RNF220: variants seen among roughly 807,000 people sequenced by gnomAD.
The protein encoded by RNF220 is ring finger protein 220.
A neutral mutation model predicts 67.1 loss-of-function variants in RNF220; 7 were observed. That is an observed-to-expected ratio of 0.10 (90% CI 0.06 to 0.20). The LOEUF is 0.20. RNF220 is among the 10% of genes least tolerant of loss of function. The pLI, the probability that RNF220 is intolerant of heterozygous loss-of-function variation, is 1.00. For synonymous variants in RNF220, 270 were observed against 283.2 expected (o/e 0.95, Z 0.47); for missense variants, 565 against 740.3 (o/e 0.76, Z 2.75).
At chr1:44,602,355 A>G (rs538513294) in intron 2 of RNF220, among the ~76,000 whole-genome samples, 1 of 152,124 alleles carries the variant, frequency 6.6e-6, no homozygotes, top group African/African-American at 2.4e-5. Context: ...CCTGAGGAGC[A>G]TGGAGTTGGG....
In RNF220 at chr1:44,515,384, A is replaced by G. The variant is rs574517736; in HGVS notation, c.626-98781A>G. ...TAATGTAGGTGTAGTTTGTGTGGTG[A>G]TTATTGTGTTAGGTACAGTAATAGC... On this transcript the variant is annotated intron_variant, in intron 2 of 14. Transcript: ENST00000361799. Among the ~76,000 whole-genome samples the G allele has an allele frequency of 1.6e-4, 24 of 152,266 alleles. No homozygotes were observed. The South Asian group carries it at 3.9e-3, about 25-fold the overall frequency.
chr1:44,463,582 G>A (rs1186089566), intron 2 of RNF220, among the ~76,000 whole-genome samples: 1 of 151,122 alleles, frequency 6.6e-6, no homozygotes, highest in Non-Finnish European at 1.5e-5. Flanking sequence ...GCTAAGCTTC[G>A]GATGCCACAG....
intron 2 of RNF220, among the ~76,000 whole-genome samples, chr1:44,539,950 C>T (rs1186654521): frequency 1.3e-5 from 2 of 152,234 alleles, no homozygotes; most frequent in Non-Finnish European, 2.9e-5. Context: ...GGTATGAATA[C>T]TGTCTCTTAC....
intron 2 of RNF220, among the ~76,000 whole-genome samples, chr1:44,613,955 G>T (rs758494138): frequency 6.6e-6 from 1 of 152,204 alleles, no homozygotes; most frequent in East Asian, 1.9e-4. Context: ...TCTGAGAGGG[G>T]TGGCTGGCTG....
chr1:44,469,896 G>A (rs985134600), intron 2 of RNF220, among the ~76,000 whole-genome samples: 2 of 152,188 alleles, frequency 1.3e-5, no homozygotes, highest in African/African-American at 4.8e-5. Flanking sequence ...AGTATAGTAC[G>A]AGGTGAGGCT....
At chr1:44,590,703 G>T (rs79407044) in intron 2 of RNF220, among the ~76,000 whole-genome samples, 4 of 152,128 alleles carry the variant, frequency 2.6e-5, no homozygotes, top group East Asian at 1.9e-4. Context: ...AATAGGAAGC[G>T]GGGGGGCCAG....
intron 2 of RNF220, among the ~76,000 whole-genome samples, chr1:44,551,270 A>G (rs1173846569): frequency 6.6e-6 from 1 of 151,658 alleles, no homozygotes; most frequent in Non-Finnish European, 1.5e-5. Context: ...ACGGGCCACC[A>G]CGCCTGGCTA....
intron 2 of RNF220, among the ~76,000 whole-genome samples, chr1:44,425,499 G>A (rs1379646385): frequency 6.6e-6 from 1 of 152,122 alleles, no homozygotes; most frequent in African/African-American, 2.4e-5. Flanking sequence ...GGGCCACACA[G>A]GATCCACCAC....
chr1:44,644,524 G>T, intron 8 of RNF220, 174 bp from the exon 9 acceptor site: 1 of 589,204 alleles, frequency 1.7e-6, no homozygotes, highest in South Asian at 2.0e-5. Context: ...CAGAGTGAAG[G>T]GCCTGAAATG....
intron 12 of RNF220, among the ~76,000 whole-genome samples, chr1:44,646,094 G>A (rs1441971035): frequency 6.6e-6 from 1 of 152,168 alleles, no homozygotes; most frequent in Non-Finnish European, 1.5e-5. Flanking sequence ...CTCAGGAGAT[G>A]GCATTGTCCA....
chr1:44,634,361 A>G (rs1399295451), intron 6 of RNF220, among the ~76,000 whole-genome samples: 1 of 152,254 alleles, frequency 6.6e-6, no homozygotes, highest in Non-Finnish European at 1.5e-5. Flanking sequence ...AATGCAATCT[A>G]GCTTCAGCAA....
chr1:44,571,176 C>T (rs1381860739), intron 2 of RNF220, among the ~76,000 whole-genome samples: 1 of 152,178 alleles, frequency 6.6e-6, no homozygotes, highest in Non-Finnish European at 1.5e-5. Flanking sequence ...TCTTCCCAAC[C>T]TACAAGACCC....
intron 2 of RNF220, among the ~76,000 whole-genome samples, chr1:44,542,277 G>T (rs1661731799): frequency 6.6e-6 from 1 of 152,160 alleles, no homozygotes; most frequent in African/African-American, 2.4e-5. Flanking sequence ...AACCTCAGTG[G>T]GCAGGAGCTG....
intron 2 of RNF220, among the ~76,000 whole-genome samples, chr1:44,510,934 C>T (rs1658935597): frequency 6.6e-6 from 1 of 152,184 alleles, no homozygotes; most frequent in South Asian, 2.1e-4. Context: ...AGGGTTGTTG[C>T]TCCGAGGTCT....
intron 5 of RNF220, 146 bp downstream of exon 5, chr1:44,626,544 TAA>T (rs1419428185): frequency 4.6e-5 from 29 of 637,186 alleles, no homozygotes; most frequent in Non-Finnish European, 7.5e-5. Context: ...CCCGTGCCCC[TAA>T]GTGAACTCAG....
intron 2 of RNF220, among the ~76,000 whole-genome samples, chr1:44,486,350 C>T (rs776480740): frequency 3.0e-4 from 45 of 152,352 alleles, no homozygotes; most frequent in Non-Finnish European, 5.3e-4. Flanking sequence ...CAGAGAAAAT[C>T]ACGGGCAATA....
Position 44,514,307 on chromosome 1 carries a change from C to T in RNF220, c.626-99858C>T, listed in dbSNP as rs145401963. Among the ~76,000 whole-genome samples the T allele has an allele frequency of 3.9e-3, 590 of 152,316 alleles. 5 individuals carry two copies. Among genetic ancestry groups the T allele is most frequent in the African/African-American group, 0.014 (566 of 41,578 alleles). On this transcript the variant is annotated intron_variant, in intron 2 of 14. Coordinates refer to ENST00000361799, the MANE Select transcript of RNF220 (RefSeq NM_018150.4). ...AGGGACAGCTGCGATGTTGGAAGCC[C>T]GTGCCTTCCTGAGTAGAAAATGCTG...
intron 2 of RNF220, among the ~76,000 whole-genome samples, chr1:44,516,897 A>G (rs1659491889): frequency 6.6e-6 from 1 of 151,980 alleles, no homozygotes; most frequent in African/African-American, 2.4e-5. Context: ...ATGGATCTCT[A>G]ACAGACACTC....
At position 44,650,140 on chromosome 1, in the gene RNF220, G is replaced by A; in HGVS notation, c.1629+183G>A. 1 of 642,852 alleles carries A rather than the reference G, an allele frequency of 1.6e-6. No individual in the cohort carries two copies. The highest frequency in any genetic ancestry group is 2.7e-6 in the Non-Finnish European group (1 of 375,454). The allele number at this position is 642,852 out of a possible 1,614,324, so 39.8% of individuals were successfully genotyped here. A position where few individuals can be genotyped will look rare whatever the true frequency, so the allele number is the denominator to read the frequency against. ...GGCTCGCTGCCTCTCCTCCCCAACT[G>A]CAGGTTTAGGAACTTCTCCCCCTCC... is the stretch of plus-strand genomic sequence containing the variant. On this transcript the variant is annotated intron_variant, in intron 14 of 14. Coordinates refer to ENST00000361799, the MANE Select transcript of RNF220 (RefSeq NM_018150.4). This position sits in a 1 kb window ranked among gnomAD's most constrained non-coding sequence, Gnocchi z 4.3.
Sources: allele counts gnomAD v4.1 joint callset (sites outside exome capture counted in the v4.1 genomes callset), GRCh38; gene constraint gnomAD v4.1.1; non-coding constraint Gnocchi (gnomAD v3.1); transcripts MANE v1.5; gene names NCBI Gene and HGNC (gene_info 2026-07-23, HGNC 2026-07-21).